The following TTLL11 variants were observed in gnomAD, a reference collection of about 807,000 sequenced individuals.
The protein encoded by TTLL11 is tubulin polyglutamylase TTLL11.
TTLL11 carries 42 observed loss-of-function variants against 51.7 expected under a neutral mutation model. That is an observed-to-expected ratio of 0.81 (90% CI 0.64 to 1.05). The LOEUF is 1.05. TTLL11 is among the 50% of genes least tolerant of loss of function. The pLI is 0.00. For missense variants in TTLL11, 799 were observed against 940.4 expected (o/e 0.85, Z 1.97); for synonymous variants, 381 against 383.5 (o/e 0.99, Z 0.08).
chr9:121,981,867 G>A (rs1588173918), intron 4 of TTLL11, among the ~76,000 whole-genome samples: 4 of 152,112 alleles, frequency 2.6e-5, no homozygotes, highest in Admixed American at 6.6e-5. Context: ...CACTCTGTTC[G>A]GGGCTCAAAT....
intron 6 of TTLL11, among the ~76,000 whole-genome samples, chr9:121,909,497 C>T (rs960999424): frequency 6.6e-6 from 1 of 152,186 alleles, no homozygotes; most frequent in Non-Finnish European, 1.5e-5. Context: ...AAACTCAGGG[C>T]CCTTGTTCGC....
At chr9:121,908,066 A>T (rs994745585) in intron 6 of TTLL11, among the ~76,000 whole-genome samples, 17 of 152,188 alleles carry the variant, frequency 1.1e-4, no homozygotes, top group Non-Finnish European at 2.9e-5. Flanking sequence ...GTGAACAAAG[A>T]AGGCTATGTG....
intron 6 of TTLL11, among the ~76,000 whole-genome samples, chr9:121,955,424 A>G (rs1841989483): frequency 6.6e-6 from 1 of 152,220 alleles, no homozygotes; most frequent in African/African-American, 2.4e-5. Flanking sequence ...AAATCATAAT[A>G]TAAATTTAGT....
Position 121,989,290 on chromosome 9 carries a change from C to A in TTLL11, c.1174G>T (p.Val392Leu). The A allele has an allele frequency of 6.2e-7, 1 of 1,614,166 alleles. No homozygotes were observed. Among genetic ancestry groups the A allele is most frequent in the Non-Finnish European group, 8.5e-7 (1 of 1,180,002 alleles). The change falls in exon 4 of 9, where the codon GTG becomes TTG. Residue 392 changes from valine (V) to leucine (L), a missense_variant. By Grantham distance (32) the Val-to-Leu change is conservative. Coordinates refer to ENST00000321582, the MANE Select transcript of TTLL11 (RefSeq NM_001139442.2). This position sits in a 1 kb window ranked among gnomAD's most constrained non-coding sequence, Gnocchi z 4.2. ...IKKVWSDIIS[V>L]VIKTVIALTP... ...AGCGCGATGACCGTCTTAATCACCA[C>A]GGAGATGATGTCAGACCAGACCTTC...
At chr9:121,900,829 G>C (rs1051842710) in intron 6 of TTLL11, among the ~76,000 whole-genome samples, 2 of 152,098 alleles carry the variant, frequency 1.3e-5, no homozygotes, top group Admixed American at 6.5e-5. Context: ...TTATTTTTGA[G>C]ATAGGGTCTC....
chr9:121,827,289 G>GC (rs1468036238), intron 8 of TTLL11, among the ~76,000 whole-genome samples: 1 of 152,094 alleles, frequency 6.6e-6, no homozygotes, highest in Non-Finnish European at 1.5e-5. Context: ...CTGCCACACA[G>GC]CCCCTCACCC....
Position 121,927,628 on chromosome 9 carries a change from A to AT in TTLL11, c.1481+46380dup, listed in dbSNP as rs59367881. On this transcript the variant is annotated intron_variant, in intron 6 of 8. Coordinates refer to ENST00000321582, the MANE Select transcript of TTLL11 (RefSeq NM_001139442.2). ...ATATCACAAGAGCACAGAAGGTGGC[A>AT]TTTTTTTTTTTTTTTTTTTGAAGGT... Among the ~76,000 whole-genome samples, 255 of 144,182 alleles carry AT rather than the reference A, an allele frequency of 1.8e-3. 3 individuals carry two copies. Among genetic ancestry groups the AT allele is most frequent in the Admixed American group, 1.0e-2 (145 of 14,550 alleles). 94.6% of individuals were successfully genotyped at this position (144,182 alleles called of 152,430 possible). A position where few individuals can be genotyped will look rare whatever the true frequency, so the allele number is the denominator to read the frequency against.
chr9:122,023,931 T>C (rs1223075878), intron 3 of TTLL11, among the ~76,000 whole-genome samples: 1 of 152,154 alleles, frequency 6.6e-6, no homozygotes, highest in Non-Finnish European at 1.5e-5. Context: ...CCACTTCTAC[T>C]TAACATTATT....
chr9:122,084,870 C>T (rs1846084654), intron 1 of TTLL11, among the ~76,000 whole-genome samples: 2 of 152,182 alleles, frequency 1.3e-5, no homozygotes, highest in Admixed American at 6.5e-5. Flanking sequence ...TGTAGAATAA[C>T]ATCTGTTTTC....
At chr9:121,831,690 ACT>A (rs1295806926) in intron 8 of TTLL11, among the ~76,000 whole-genome samples, 2 of 128,116 alleles carry the variant, frequency 1.6e-5, no homozygotes, top group East Asian at 2.3e-4. Flanking sequence ...AGAGAGAGAG[ACT>A]CTGTCTCAAA....
chr9:122,046,067 T>C (rs1844991699), intron 1 of TTLL11, among the ~76,000 whole-genome samples: 1 of 152,210 alleles, frequency 6.6e-6, no homozygotes, highest in Non-Finnish European at 1.5e-5. Context: ...ATGTATGTTT[T>C]ACCACAATAA....
At chr9:122,059,806 C>T (rs1845394797) in intron 1 of TTLL11, among the ~76,000 whole-genome samples, 1 of 152,132 alleles carries the variant, frequency 6.6e-6, no homozygotes, top group South Asian at 2.1e-4. Context: ...GTTTATGGCA[C>T]TCATCTGGGC....
chr9:121,926,950 A>G (rs1840759040), intron 6 of TTLL11, among the ~76,000 whole-genome samples: 1 of 152,158 alleles, frequency 6.6e-6, no homozygotes, highest in African/African-American at 2.4e-5. Flanking sequence ...CCGACTTCTC[A>G]TGAGAGCCTC....
At chr9:121,823,736 T>G (rs1450497584) in intron 8 of TTLL11, among the ~76,000 whole-genome samples, 1 of 152,098 alleles carries the variant, frequency 6.6e-6, no homozygotes, top group Non-Finnish European at 1.5e-5. Context: ...GTCTGTAAAT[T>G]TTACCCCCCA....
intron 3 of TTLL11, among the ~76,000 whole-genome samples, chr9:122,004,442 C>A (rs922878710): frequency 2.0e-5 from 3 of 152,032 alleles, no homozygotes; most frequent in Non-Finnish European, 4.4e-5. Flanking sequence ...CTACACCTCC[C>A]AGGTTCAAGC....
At chr9:121,931,597 A>AG (rs1840981824) in intron 6 of TTLL11, among the ~76,000 whole-genome samples, 3 of 151,052 alleles carry the variant, frequency 2.0e-5, no homozygotes, top group East Asian at 1.9e-4. Flanking sequence ...AAAAAAAAAA[A>AG]AAAAAAAAGA....
At chr9:122,077,268 C>T (rs745431451) in intron 1 of TTLL11, among the ~76,000 whole-genome samples, 16 of 152,008 alleles carry the variant, frequency 1.1e-4, no homozygotes, top group African/African-American at 3.4e-4. Context: ...ATACCAATAA[C>T]GCCTAATTTG....
At chr9:122,004,353 A>AT (rs112839875) in intron 3 of TTLL11, among the ~76,000 whole-genome samples, 2,670 of 143,502 alleles carry the variant, frequency 0.019, 62 homozygotes, top group African/African-American at 0.058. Context: ...GCTTTACAGC[A>AT]TTTTTTTTTT....
chr9:122,005,585 C>T (rs1385802519), intron 3 of TTLL11, among the ~76,000 whole-genome samples: 1 of 152,194 alleles, frequency 6.6e-6, no homozygotes, highest in African/African-American at 2.4e-5. Context: ...CAGGCCACTT[C>T]CCCAGCCAGG....
Sources: allele counts gnomAD v4.1 joint callset (sites outside exome capture counted in the v4.1 genomes callset), GRCh38; gene constraint gnomAD v4.1.1; non-coding constraint Gnocchi (gnomAD v3.1); transcripts MANE v1.5; gene names NCBI Gene and HGNC (gene_info 2026-07-23, HGNC 2026-07-21).